The following PATZ1 variants were observed in gnomAD, a reference collection of about 807,000 sequenced individuals.
PATZ1 encodes the protein POZ/BTB and AT hook containing zinc finger 1, also known as POZ-, AT hook-, and zinc finger-containing protein 1.
In PATZ1, 9 loss-of-function variants were observed where a neutral mutation model predicts 46.2. The ratio of observed to expected loss-of-function variants is 0.19; its 90% confidence interval spans 0.12 to 0.34. The LOEUF is 0.34. Ranked by LOEUF, PATZ1 falls within the 10% of genes least tolerant of loss-of-function variation. The pLI is 1.00. For synonymous variants in PATZ1, 426 were observed against 378.6 expected (o/e 1.13, Z -1.45); for missense variants, 632 against 923.0 (o/e 0.68, Z 4.08).
intron 2 of PATZ1, 131 bp downstream of exon 2, chr22:31,342,766 A>C: frequency 1.2e-6 from 1 of 851,754 alleles, no homozygotes; most frequent in Non-Finnish European, 1.9e-6. Flanking sequence ...GGGTGGAGGA[A>C]CAGAGGGGAG....
chr22:31,345,573 G>C lies in PATZ1; in HGVS notation c.30C>G (p.Gly10=), dbSNP rs146581828. 1 of 1,596,994 alleles carries C rather than the reference G, an allele frequency of 6.3e-7. No homozygotes were observed. The highest frequency in any genetic ancestry group is 8.6e-7 in the Non-Finnish European group (1 of 1,167,630). Residue 10 remains glycine (G), a synonymous_variant, in exon 1 of 5, where the codon GGC becomes GGG. Transcript: ENST00000266269. This position sits in a 1 kb window ranked among gnomAD's most constrained non-coding sequence, Gnocchi z 7.4. MERVNDASC[G]PSGCYTYQVS... The stretch of plus-strand genomic sequence containing the variant: ...CCTGGTATGTGTAGCAGCCAGACGG[G>C]CCGCACGAAGCGTCGTTCACCCGCT...
Position 31,328,695 on chromosome 22 carries a change from C to A in PATZ1, c.1645+92G>T. 1 of 1,197,540 alleles carries A rather than the reference C, an allele frequency of 8.4e-7. No individual in the cohort carries two copies. Among genetic ancestry groups the A allele is most frequent in the Non-Finnish European group, 1.2e-6 (1 of 811,934 alleles). The allele number at this position is 1,197,540 out of a possible 1,614,324, so 74.2% of individuals were successfully genotyped here. A position where few individuals can be genotyped will look rare whatever the true frequency, so the allele number is the denominator to read the frequency against. Reference sequence around the variant, plus strand: ...GAGTCTCCTCAAGGCAGCCAGAAAGCCGGCAGCCTTCCCGCCTCCCCACGC... The same window carrying A: ...GAGTCTCCTCAAGGCAGCCAGAAAGACGGCAGCCTTCCCGCCTCCCCACGC... On this transcript the variant is annotated intron_variant, in intron 4 of 4. Coordinates refer to ENST00000266269, the MANE Select transcript of PATZ1 (RefSeq NM_014323.3). This position sits in a 1 kb window ranked among gnomAD's most constrained non-coding sequence, Gnocchi z 4.8.
At position 31,345,428 on chromosome 22, in the gene PATZ1, G is replaced by A. The variant is rs1247021742; in HGVS notation, c.175C>T (p.Leu59=). ...DESFPAHRAV[L]AACSEYFESV... is the part of the protein sequence containing the mutation. ...TCAAAGTACTCGCTGCAGGCGGCCA[G>A]CACGGCGCGGTGCGCTGGGAAGCTC... The change falls in exon 1 of 5, where the codon CTG becomes TTG. Residue 59 remains leucine (L), a synonymous_variant. Transcript: ENST00000266269. This position sits in a 1 kb window ranked among gnomAD's most constrained non-coding sequence, Gnocchi z 7.4. 1 of 1,612,404 alleles carries A rather than the reference G, an allele frequency of 6.2e-7. No individual in the cohort carries two copies. The highest frequency in any genetic ancestry group is 8.5e-7 in the Non-Finnish European group (1 of 1,179,606).
At chr22:31,336,983 G>T (rs2049519750) in intron 2 of PATZ1, among the ~76,000 whole-genome samples, 1 of 149,926 alleles carries the variant, frequency 6.7e-6, no homozygotes, top group Admixed American at 6.7e-5. Context: ...GGTGGCAGGT[G>T]CCTGTAGTCC....
Position 31,344,920 on chromosome 22 carries a change from A to G in PATZ1, c.683T>C (p.Val228Ala). 6.2e-7 allele frequency: 1 copy of G among 1,613,590 alleles called. No homozygotes were observed. The highest frequency in any genetic ancestry group is 8.5e-7 in the Non-Finnish European group (1 of 1,180,012). Residue 228 changes from valine to alanine, a missense_variant, in exon 1 of 5, where the codon GTG (valine) becomes GCG (alanine). Val to Ala is a moderately conservative substitution (Grantham distance 64). Around this residue, in one of 7 missense-constraint regions of PATZ1, gnomAD observed 279 missense variants for 284.3 expected, o/e 0.98. Coordinates refer to ENST00000266269, the MANE Select transcript of PATZ1 (RefSeq NM_014323.3). Reference sequence around the variant, plus strand: ...GGGCAAGCGGTCCACCCCAGGTAACACAGGCAAAGAGGCTTGGCCTGCAAT... The same window carrying G: ...GGGCAAGCGGTCCACCCCAGGTAACGCAGGCAAAGAGGCTTGGCCTGCAAT... ...AAIAGQASLP[V>A]LPGVDRLPMV...
rs887536574 is a variant in PATZ1 at position 31,335,874 on chromosome 22, A to T, written c.1336-11T>A. The T allele has an allele frequency of 6.2e-7, 1 of 1,610,274 alleles. No homozygotes were observed. Among genetic ancestry groups the T allele is most frequent in the African/African-American group, 1.3e-5 (1 of 74,862 alleles). ...AGAAGCATTGCAGGTCTGAAGGCAG[A>T]AAAGAAAATGGGATGATGTGAAACC... On this transcript the variant is annotated splice_polypyrimidine_tract_variant and intron_variant, in intron 2 of 4. Transcript: ENST00000266269.
chr22:31,345,738 G>T lies in PATZ1; in HGVS notation c.-136C>A. 1.1e-6 allele frequency: 1 copy of T among 881,270 alleles called. No individual in the cohort carries two copies. The highest frequency in any genetic ancestry group is 1.7e-6 in the Non-Finnish European group (1 of 597,698). 54.6% of individuals were successfully genotyped at this position (881,270 alleles called of 1,614,324 possible). A position where few individuals can be genotyped will look rare whatever the true frequency, so the allele number is the denominator to read the frequency against. On this transcript the variant is annotated 5_prime_UTR_variant, in exon 1 of 5. In the 5' UTR this introduces an upstream ATG that the reference lacks. Transcript: ENST00000266269. This position sits in a 1 kb window ranked among gnomAD's most constrained non-coding sequence, Gnocchi z 7.4. ...CGGCCCGAGGCTCTGTAGTCTCGCA[G>T]GTGCGCCGAGTGTACACGCCCCCAG...
In PATZ1 at chr22:31,327,079, T is replaced by C. The variant is rs750451478; in HGVS notation, c.1876A>G (p.Lys626Glu). The C allele has an allele frequency of 6.2e-7, 1 of 1,613,904 alleles. No homozygotes were observed. Among genetic ancestry groups the C allele is most frequent in the South Asian group, 1.1e-5 (1 of 91,054 alleles). The change falls in exon 5 of 5, where the codon AAG (lysine) becomes GAG (glutamate). Residue 626 changes from lysine (K) to glutamate (E), a missense_variant. Physicochemically the swap from Lys to Glu is moderately conservative, Grantham distance 56 (BLOSUM62 1). Transcript: ENST00000266269. The surrounding 1 kb of genome is among the most constrained non-coding windows in gnomAD (Gnocchi z 4.2). ...CCCCCGAGAGCCCGGACATGCACCT[T>C]CTGGATGTGTTTGTTCAAGTAGGAC... The part of the protein sequence containing the change: ...SKSYLNKHIQ[K>E]VHVRALGGPL...
At chr22:31,343,000 C>G in intron 1 of PATZ1, 40 bp from the exon 2 acceptor site, 1 of 1,612,518 alleles carries the variant, frequency 6.2e-7, no homozygotes, top group Non-Finnish European at 8.5e-7. Context: ...AGAAACTTGG[C>G]CAGACCCCAC....
At position 31,328,642 on chromosome 22, in the gene PATZ1, C is replaced by A; in HGVS notation, c.1645+145G>T. 1.4e-6 allele frequency: 1 copy of A among 706,486 alleles called. No homozygotes were observed. Among genetic ancestry groups the A allele is most frequent in the Non-Finnish European group, 2.5e-6 (1 of 403,774 alleles). 43.8% of individuals were successfully genotyped at this position (706,486 alleles called of 1,614,324 possible). ...GTGAGATACCCACTGTGACTTTTGT[C>A]CTGGAGGCCACTGCCACTCAGATCT... On this transcript the variant is annotated intron_variant, in intron 4 of 4. Transcript: ENST00000266269. The surrounding 1 kb of genome is among the most constrained non-coding windows in gnomAD (Gnocchi z 4.8).
At position 31,335,311 on chromosome 22, in the gene PATZ1, G is replaced by A. The variant is rs1050169345; in HGVS notation, c.1507+381C>T. The A allele has an allele frequency of 5.2e-5, 9 of 174,428 alleles. No individual in the cohort carries two copies. The East Asian group carries it at 7.5e-4, about 15-fold the overall frequency. 10.8% of individuals were successfully genotyped at this position (174,428 alleles called of 1,614,324 possible). ...ATCAACCAGCAAAAGCTCTCAAGCC[G>A]GACCAACCTCTTTTTCTCTCACTTT... On this transcript the variant is annotated intron_variant, in intron 3 of 4. Transcript: ENST00000266269.
chr22:31,331,778 C>A (rs963209908), intron 3 of PATZ1, among the ~76,000 whole-genome samples: 1 of 152,150 alleles, frequency 6.6e-6, no homozygotes, highest in Non-Finnish European at 1.5e-5. Context: ...ATTATGTTTA[C>A]TCCTTACTGG....
chr22:31,329,934 A>T (rs1437830500), intron 3 of PATZ1, among the ~76,000 whole-genome samples: 1 of 152,230 alleles, frequency 6.6e-6, no homozygotes. Context: ...TTTTTAGTAT[A>T]AGGCCCACTT....
chr22:31,345,768 G>A lies in PATZ1; in HGVS notation c.-166C>T, dbSNP rs1315235703. The A allele has an allele frequency of 2.9e-5, 20 of 678,140 alleles. No homozygotes were observed. Among genetic ancestry groups the A allele is most frequent in the Non-Finnish European group, 4.6e-5 (19 of 416,232 alleles). The allele number at this position is 678,140 out of a possible 1,614,324, so 42.0% of individuals were successfully genotyped here. A position where few individuals can be genotyped will look rare whatever the true frequency, so the allele number is the denominator to read the frequency against. ...GCCGAGTGTACACGCCCCCAGCCCG[G>A]ATCAGACTGTCTAGACTGCGGGGTG... On this transcript the variant is annotated 5_prime_UTR_variant, in exon 1 of 5. Coordinates refer to ENST00000266269, the MANE Select transcript of PATZ1 (RefSeq NM_014323.3). This position sits in a 1 kb window ranked among gnomAD's most constrained non-coding sequence, Gnocchi z 7.4.
intron 2 of PATZ1, chr22:31,340,844 C>T (rs780681959): frequency 2.5e-5 from 27 of 1,061,892 alleles, no homozygotes; most frequent in Non-Finnish European, 3.0e-5. Context: ...TAGTTTGGTT[C>T]CTGAGCAGAC....
chr22:31,339,324 C>G, intron 2 of PATZ1, among the ~76,000 whole-genome samples: 1 of 152,130 alleles, frequency 6.6e-6, no homozygotes. Context: ...TGTTCAAAGC[C>G]AAGCTGAAGT....
chr22:31,336,722 C>CT (rs2049514173), intron 2 of PATZ1, among the ~76,000 whole-genome samples: 1 of 149,204 alleles, frequency 6.7e-6, no homozygotes, highest in Non-Finnish European at 1.5e-5. Flanking sequence ...AGGAGAATCA[C>CT]TTGAACCTGG....
chr22:31,334,543 G>A (rs1204177690), intron 3 of PATZ1, among the ~76,000 whole-genome samples: 1 of 152,104 alleles, frequency 6.6e-6, no homozygotes, highest in African/African-American at 2.4e-5. Flanking sequence ...GTTGTGCCTG[G>A]TCCAACCCAG....
chr22:31,341,152 G>A, intron 2 of PATZ1: 1 of 1,202,352 alleles, frequency 8.3e-7, no homozygotes, highest in Non-Finnish European at 1.0e-6. Flanking sequence ...ATGCCCAGGG[G>A]TGCCATCTGT....
Sources: allele counts gnomAD v4.1 joint callset (sites outside exome capture counted in the v4.1 genomes callset), GRCh38; gene constraint gnomAD v4.1.1; regional missense constraint gnomAD v4.1.1; non-coding constraint Gnocchi (gnomAD v3.1); transcripts MANE v1.5; gene names NCBI Gene and HGNC (gene_info 2026-07-23, HGNC 2026-07-21).